The following SHOC2 variants were observed in gnomAD, a reference collection of about 807,000 sequenced individuals.
SHOC2 encodes SHOC2 leucine rich repeat scaffold protein.
SHOC2 carries 4 observed loss-of-function variants against 50.2 expected under a neutral mutation model. That is an observed-to-expected ratio of 0.08 (90% confidence interval 0.04 to 0.18). SHOC2 has a LOEUF of 0.18. SHOC2 is among the 10% of genes least tolerant of loss of function. SHOC2 has a pLI of 1.00. For synonymous variants in SHOC2, 218 were observed against 244.5 expected, an observed-to-expected ratio of 0.89 and a Z score of 1.01; for missense variants, 388 against 669.6, an observed-to-expected ratio of 0.58 and a Z score of 4.64.
intron 1 of SHOC2, among the ~76,000 whole-genome samples, chr10:110,926,183 T>C (rs1052825676): frequency 1.6e-4 from 25 of 152,224 alleles, no homozygotes; most frequent in Middle Eastern, 3.2e-3. Context: ...ATAACACTAT[T>C]TTTGTAATGA....
intron 6 of SHOC2, among the ~76,000 whole-genome samples, chr10:111,008,746 G>C (rs566177732): frequency 3.7e-4 from 57 of 152,102 alleles, no homozygotes; most frequent in Middle Eastern, 3.4e-3. Flanking sequence ...ACCCAGTATT[G>C]TCTCCTTACC....
intron 1 of SHOC2, among the ~76,000 whole-genome samples, chr10:110,939,156 G>C (rs1847088414): frequency 6.6e-6 from 1 of 152,010 alleles, no homozygotes. Flanking sequence ...AGGTCACATT[G>C]GAACCAAACC....
chr10:110,986,438 A>G (rs1848077495), intron 3 of SHOC2, among the ~76,000 whole-genome samples: 1 of 152,192 alleles, frequency 6.6e-6, no homozygotes. Context: ...CTTAATTTAC[A>G]TAATTTCAGT....
chr10:110,978,357 A>C (rs548098824), intron 2 of SHOC2, among the ~76,000 whole-genome samples: 1 of 152,316 alleles, frequency 6.6e-6, no homozygotes, highest in African/African-American at 2.4e-5. Flanking sequence ...TTATCCTCTG[A>C]AAAGTGTTAC....
At chr10:110,990,830 A>G (rs1473226529) in intron 3 of SHOC2, among the ~76,000 whole-genome samples, 1 of 152,220 alleles carries the variant, frequency 6.6e-6, no homozygotes, top group East Asian at 1.9e-4. Flanking sequence ...GAGAACCAAA[A>G]TTTAAGATAC....
At chr10:110,990,447 C>G (rs1333312767) in intron 3 of SHOC2, among the ~76,000 whole-genome samples, 1 of 152,068 alleles carries the variant, frequency 6.6e-6, no homozygotes, top group Non-Finnish European at 1.5e-5. Context: ...GTGCACCAAT[C>G]AACACTCTGT....
intron 1 of SHOC2, among the ~76,000 whole-genome samples, chr10:110,935,691 G>T (rs1436730134): frequency 6.6e-6 from 1 of 151,792 alleles, no homozygotes; most frequent in African/African-American, 2.4e-5. Flanking sequence ...TATCATTATG[G>T]TTATAGCCTC....
At chr10:111,006,385 T>A (rs2134176002) in intron 5 of SHOC2, among the ~76,000 whole-genome samples, 1 of 152,332 alleles carries the variant, frequency 6.6e-6, no homozygotes, top group East Asian at 1.9e-4. Context: ...TTGTTGTTGT[T>A]TTTGAGACGG....
Position 110,964,215 on chromosome 10 carries a change from T to C in SHOC2, c.-144T>C. On this transcript the variant is annotated 5_prime_UTR_variant, in exon 2 of 9. It removes the in-frame stop codon of an upstream open reading frame in the 5' UTR. Coordinates refer to ENST00000369452, the MANE Select transcript of SHOC2 (RefSeq NM_007373.4). This position sits in a 1 kb window ranked among gnomAD's most constrained non-coding sequence, Gnocchi z 4.9. The stretch of plus-strand genomic sequence containing the variant: ...GCATAGTGCTTTTAGATCCAACATG[T>C]AACAGATGGATGTTACTCCATGCTG... 2 of 1,280,456 alleles carry C rather than the reference T, an allele frequency of 1.6e-6. No individual in the cohort carries two copies. Among genetic ancestry groups the C allele is most frequent in the Non-Finnish European group, 1.1e-6 (1 of 940,774 alleles). The allele number at this position is 1,280,456 out of a possible 1,614,324, so 79.3% of individuals were successfully genotyped here. A position where few individuals can be genotyped will look rare whatever the true frequency, so the allele number is the denominator to read the frequency against.
intron 3 of SHOC2, among the ~76,000 whole-genome samples, chr10:110,992,189 T>A (rs1325335142): frequency 1.3e-5 from 2 of 152,156 alleles, no homozygotes; most frequent in African/African-American, 4.8e-5. Context: ...ACTTCCAGGC[T>A]GAGAAGCTAG....
intron 1 of SHOC2, among the ~76,000 whole-genome samples, chr10:110,955,464 G>A (rs1847441561): frequency 6.6e-6 from 1 of 152,200 alleles, no homozygotes; most frequent in African/African-American, 2.4e-5. Flanking sequence ...TGATGCAAAT[G>A]AGGTAGGTTT....
chr10:110,938,010 A>G (rs943946397), intron 1 of SHOC2, among the ~76,000 whole-genome samples: 1 of 152,178 alleles, frequency 6.6e-6, no homozygotes, highest in African/African-American at 2.4e-5. Context: ...TTCATGTACA[A>G]AGTTCTGCTA....
intron 2 of SHOC2, among the ~76,000 whole-genome samples, chr10:110,975,575 G>T (rs1377777260): frequency 7.1e-6 from 1 of 141,394 alleles, no homozygotes; most frequent in Non-Finnish European, 1.6e-5. Context: ...ATGTTTTATA[G>T]CATATCACTC....
intron 1 of SHOC2, among the ~76,000 whole-genome samples, chr10:110,962,124 C>T (rs774110968): frequency 4.0e-5 from 6 of 151,848 alleles, no homozygotes; most frequent in Non-Finnish European, 7.4e-5. Flanking sequence ...AGTTTTCTTA[C>T]CTTTTAATAG....
chr10:110,925,339 T>C (rs539630129), intron 1 of SHOC2, among the ~76,000 whole-genome samples: 9 of 152,334 alleles, frequency 5.9e-5, no homozygotes, highest in Non-Finnish European at 1.3e-4. Flanking sequence ...AATTGTCTTG[T>C]ATGATTTAAA....
intron 1 of SHOC2, chr10:110,937,163 G>A (rs1466931740): frequency 1.3e-6 from 2 of 1,542,306 alleles, no homozygotes; most frequent in East Asian, 4.5e-5. Flanking sequence ...TACCTGTTTA[G>A]CCACGATGGT....
chr10:110,968,791 A>T (rs1202780445), intron 2 of SHOC2, among the ~76,000 whole-genome samples: 2 of 152,068 alleles, frequency 1.3e-5, no homozygotes, highest in Non-Finnish European at 2.9e-5. Flanking sequence ...ACAGAGCTAG[A>T]CCCTATCTCT....
chr10:110,970,052 C>G (rs1847750035), intron 2 of SHOC2, among the ~76,000 whole-genome samples: 2 of 152,160 alleles, frequency 1.3e-5, no homozygotes, highest in African/African-American at 4.8e-5. Flanking sequence ...TCAAAATCCT[C>G]CCTACTAGCT....
At chr10:110,950,182 A>G (rs547279032) in intron 1 of SHOC2, among the ~76,000 whole-genome samples, 2 of 152,212 alleles carry the variant, frequency 1.3e-5, no homozygotes, top group Non-Finnish European at 2.9e-5. Flanking sequence ...AGAATTAATA[A>G]ATGAATTCAG....
Sources: gnomAD v4.1 joint callset for allele counts (sites outside exome capture counted in the v4.1 genomes callset) on GRCh38, gnomAD v4.1.1 for gene constraint, Gnocchi (gnomAD v3.1) non-coding constraint, MANE v1.5 for transcripts, NCBI Gene and HGNC (gene_info 2026-07-23, HGNC 2026-07-21) for gene names.